Variants in PPDPFL observed in about 807,000 individuals in gnomAD.
PPDPFL encodes pancreatic progenitor cell differentiation and proliferation factor-like protein.
Under a neutral mutation model 12.6 loss-of-function variants are expected in PPDPFL, and 12 were observed. That is an observed-to-expected ratio of 0.95 (90% CI 0.61 to 1.54). The LOEUF (loss-of-function observed/expected upper bound fraction) is 1.54, where lower values mean the gene tolerates loss of function less well. Ranked by LOEUF, PPDPFL falls within the 40% of genes most tolerant of loss-of-function variation. The pLI is 0.00. For synonymous variants in PPDPFL, 24 were observed against 32.7 expected (o/e 0.73, Z 0.91); for missense variants, 114 against 96.0 (o/e 1.19, Z -0.78).
upstream of PPDPFL, among the ~76,000 whole-genome samples, chr8:49,068,469 C>T (rs1808332963): frequency 6.6e-6 from 1 of 152,134 alleles, no homozygotes; most frequent in African/African-American, 2.4e-5. Flanking sequence ...AACAGAGTCA[C>T]AACTGTGACA....
chr8:49,062,434 T>A (rs1293757308), intron 1 of PPDPFL, among the ~76,000 whole-genome samples: 1 of 152,190 alleles, frequency 6.6e-6, no homozygotes, highest in Admixed American at 6.5e-5. Context: ...ATGTGCATGC[T>A]GGAGTGGGTG....
chr8:49,069,225 A>ATGATATAC (rs1808343875), upstream of PPDPFL, among the ~76,000 whole-genome samples: 1 of 152,224 alleles, frequency 6.6e-6, no homozygotes, highest in South Asian at 2.1e-4. Context: ...ATATAATTAG[A>ATGATATAC]TGATATACAG....
intron 1 of PPDPFL, among the ~76,000 whole-genome samples, chr8:49,063,272 C>T (rs1200284877): frequency 2.6e-5 from 4 of 152,190 alleles, no homozygotes; most frequent in Non-Finnish European, 5.9e-5. Flanking sequence ...GGTCACTGCC[C>T]TGTGATGCAG....
chr8:49,066,092 T>C (rs563658635), intron 1 of PPDPFL, among the ~76,000 whole-genome samples: 1 of 152,320 alleles, frequency 6.6e-6, no homozygotes, highest in East Asian at 1.9e-4. Flanking sequence ...AAGGAGATGA[T>C]CTTGAAGATA....
chr8:49,069,645 C>T (rs1032322925), upstream of PPDPFL, among the ~76,000 whole-genome samples: 22 of 151,992 alleles, frequency 1.4e-4, no homozygotes, highest in African/African-American at 5.3e-4. Flanking sequence ...GGACATATGC[C>T]CAAAGGAATA....
In PPDPFL at chr8:49,072,821, G is replaced by T. The variant is rs373986282; in HGVS notation, c.-10G>T. On this transcript the variant is annotated 5_prime_UTR_variant, in exon 2 of 5. Transcript: ENST00000522267. ...CACAGCTTCTTGGGTGCTTTCTCACGGGTAAAGCCATGGCATCCGTACCTT... is the reference window on the plus strand; with the variant it reads ...CACAGCTTCTTGGGTGCTTTCTCACTGGTAAAGCCATGGCATCCGTACCTT... The T allele has an allele frequency of 2.5e-6, 4 of 1,595,430 alleles. No individual in the cohort carries two copies. Among genetic ancestry groups the T allele is most frequent in the South Asian group, 1.1e-5 (1 of 87,356 alleles).
At chr8:49,059,679 C>G (rs1202302999) in intron 1 of PPDPFL, among the ~76,000 whole-genome samples, 1 of 152,118 alleles carries the variant, frequency 6.6e-6, no homozygotes, top group Non-Finnish European at 1.5e-5. Context: ...AGTAATAATA[C>G]TTTAGAAAAT....
intron 1 of PPDPFL, 135 bp from the exon 2 acceptor site, chr8:49,072,652 G>A: frequency 2.1e-6 from 1 of 485,078 alleles, no homozygotes; most frequent in Non-Finnish European, 3.6e-6. Flanking sequence ...GAACTTTTGT[G>A]TAAACATTTA....
intron 1 of PPDPFL, among the ~76,000 whole-genome samples, chr8:49,060,313 G>T (rs1808178343): frequency 6.6e-6 from 1 of 151,902 alleles, no homozygotes; most frequent in Non-Finnish European, 1.5e-5. Flanking sequence ...TTTTTTGTTT[G>T]TTTGTTTGTT....
intron 4 of PPDPFL, 150 bp from the exon 5 acceptor site, chr8:49,075,002 T>G (rs544681071): frequency 4.3e-6 from 6 of 1,388,604 alleles, no homozygotes; most frequent in Non-Finnish European, 3.8e-6. Context: ...ATTAGAATCA[T>G]TATTTAAAGT....
upstream of PPDPFL, among the ~76,000 whole-genome samples, chr8:49,068,232 T>C: frequency 6.6e-6 from 1 of 152,136 alleles, no homozygotes; most frequent in East Asian, 1.9e-4. Context: ...CAATTTAATA[T>C]GTGAGAGAAG....
At chr8:49,058,467 T>G (rs1466809316) in intron 1 of PPDPFL, among the ~76,000 whole-genome samples, 1 of 152,178 alleles carries the variant, frequency 6.6e-6, no homozygotes, top group Non-Finnish European at 1.5e-5. Flanking sequence ...AACCAAAAAT[T>G]AAAAGATCAG....
In PPDPFL at chr8:49,072,384, C is replaced by G. The variant is rs1326398654; in HGVS notation, c.-143C>G. The G allele has an allele frequency of 6.4e-6, 1 of 155,778 alleles. No homozygotes were observed. Among genetic ancestry groups the G allele is most frequent in the Non-Finnish European group, 1.4e-5 (1 of 70,688 alleles). 9.6% of individuals were successfully genotyped at this position (155,778 alleles called of 1,614,324 possible). ...GCCCTGCGTATGTGGTGCAGCCTCTCTTCAATCCCTAAGAACTGGTTCTTT... is the reference window on the plus strand; with the variant it reads ...GCCCTGCGTATGTGGTGCAGCCTCTGTTCAATCCCTAAGAACTGGTTCTTT... On this transcript the variant is annotated 5_prime_UTR_variant, in exon 1 of 5. Coordinates refer to ENST00000522267, the MANE Select transcript of PPDPFL (RefSeq NM_001256597.2).
chr8:49,074,020 C>T (rs1474184135), intron 2 of PPDPFL, 39 bp from the exon 3 acceptor site: 2 of 1,372,676 alleles, frequency 1.5e-6, no homozygotes, highest in Non-Finnish European at 1.0e-6. Flanking sequence ...TGTCTGGTTG[C>T]CAGTTATTTA....
chr8:49,056,410 C>T (rs576170251), intron 1 of PPDPFL, among the ~76,000 whole-genome samples: 1 of 152,166 alleles, frequency 6.6e-6, no homozygotes, highest in African/African-American at 2.4e-5. Context: ...AGCAGTCCTC[C>T]AACACTCTTT....
chr8:49,067,975 T>TA (rs944674028), upstream of PPDPFL, among the ~76,000 whole-genome samples: 4 of 151,716 alleles, frequency 2.6e-5, no homozygotes, highest in Admixed American at 2.0e-4. Context: ...CTTGGATATT[T>TA]AAAAAAAAAC....
Position 49,074,065 on chromosome 8 carries a change from G to C in PPDPFL, c.62G>C (p.Ser21Thr). The C allele has an allele frequency of 1.2e-6, 2 of 1,609,678 alleles. No individual in the cohort carries two copies. Among genetic ancestry groups the C allele is most frequent in the Non-Finnish European group, 8.5e-7 (1 of 1,176,464 alleles). ...TATCATTTGTTTCCTACAGAGTCCA[G>C]TGTTTCTTCAGTTAGTTCTTTAACT... ...LARNQYYRKS[S>T]VSSVSSLTSS... The change falls in exon 3 of 5, where the codon AGT becomes ACT. Residue 21 changes from serine to threonine, a missense_variant. Physicochemically the swap from Ser to Thr is moderately conservative, Grantham distance 58. Coordinates refer to ENST00000522267, the MANE Select transcript of PPDPFL (RefSeq NM_001256597.2).
intron 1 of PPDPFL, among the ~76,000 whole-genome samples, chr8:49,067,300 A>G (rs1808314505): frequency 6.6e-6 from 1 of 152,256 alleles, no homozygotes; most frequent in African/African-American, 2.4e-5. Flanking sequence ...GTGTTTATAG[A>G]GTACATGCTA....
chr8:49,063,240 T>A (rs572397382), intron 1 of PPDPFL, among the ~76,000 whole-genome samples: 2 of 152,176 alleles, frequency 1.3e-5, no homozygotes, highest in Non-Finnish European at 2.9e-5. Context: ...GCACAATCCA[T>A]GGCTGGCAGA....
Sources: allele counts gnomAD v4.1 joint callset (sites outside exome capture counted in the v4.1 genomes callset), GRCh38; gene constraint gnomAD v4.1.1; transcripts MANE v1.5; gene names NCBI Gene and HGNC (gene_info 2026-07-23, HGNC 2026-07-21).